TRABD2A: variants seen among roughly 807,000 people sequenced by gnomAD.
The protein encoded by TRABD2A is metalloprotease TIKI1.
Under a neutral mutation model 45.6 loss-of-function variants are expected in TRABD2A, and 43 were observed. The ratio of observed to expected loss-of-function variants is 0.94; its 90% CI spans 0.74 to 1.22. TRABD2A has a LOEUF of 1.22. Ranked by LOEUF, TRABD2A falls within the 50% of genes most tolerant of loss-of-function variation. TRABD2A has a pLI of 0.00. For missense variants in TRABD2A, 642 were observed against 652.4 expected, an observed-to-expected ratio of 0.98 and a Z score of 0.17; for synonymous variants, 269 against 265.0, an observed-to-expected ratio of 1.02 and a Z score of -0.15.
At chr2:84,842,078 T>A in intron 2 of TRABD2A, 71 bp from the exon 3 acceptor site, 1 of 1,405,224 alleles carries the variant, frequency 7.1e-7, no homozygotes, top group South Asian at 1.6e-5. Context: ...CTTTTGTCCA[T>A]GGCTGGAAAT....
At chr2:84,843,987 T>C (rs1010612595) in intron 2 of TRABD2A, 7 of 152,310 alleles carry the variant, frequency 4.6e-5, no homozygotes, top group Admixed American at 4.6e-4. Flanking sequence ...CTTCTCTCAA[T>C]ACCTCCTCCT....
chr2:84,838,022 G>C (rs751596055), intron 4 of TRABD2A: 1 of 531,012 alleles, frequency 1.9e-6, no homozygotes, highest in East Asian at 3.0e-5. Context: ...CTAAGAATAG[G>C]GCTATTCACA....
intron 2 of TRABD2A, among the ~76,000 whole-genome samples, chr2:84,862,028 C>T (rs1043057961): frequency 6.6e-5 from 10 of 152,190 alleles, no homozygotes; most frequent in African/African-American, 1.7e-4. Flanking sequence ...AGAGAAGAAG[C>T]GCCCTAATGC....
In TRABD2A at chr2:84,832,323, C is replaced by G. The variant is rs1038460062; in HGVS notation, c.992-178G>C. On this transcript the variant is annotated intron_variant, in intron 4 of 6. Coordinates refer to ENST00000409520, the MANE Select transcript of TRABD2A (RefSeq NM_001277053.2). ...CCTGCCAACAGTCCTGCAAGGCAGG[C>G]AGGGCAGCATCAGTAGCATTTCAGA... 5 of 612,072 alleles carry G rather than the reference C, an allele frequency of 8.2e-6. No homozygotes were observed. In the East Asian group the frequency reaches 1.1e-4, roughly 14 times the overall value. 37.9% of individuals were successfully genotyped at this position (612,072 alleles called of 1,614,324 possible). A position where few individuals can be genotyped will look rare whatever the true frequency, so the allele number is the denominator to read the frequency against.
chr2:84,861,761 T>C (rs1162952242), intron 2 of TRABD2A, among the ~76,000 whole-genome samples: 1 of 152,196 alleles, frequency 6.6e-6, no homozygotes, highest in Non-Finnish European at 1.5e-5. Flanking sequence ...CCTGCCTGTA[T>C]TCTGCTCAGC....
At chr2:84,827,095 C>G (rs1192283) in intron 5 of TRABD2A, among the ~76,000 whole-genome samples, 27,406 of 152,124 alleles carry the variant, frequency 0.18, 2,541 homozygotes, top group African/African-American at 0.24. Context: ...TGGGCTGGAT[C>G]CCATCACAGG....
At chr2:84,853,766 C>T (rs371114796) in intron 2 of TRABD2A, among the ~76,000 whole-genome samples, 27 of 152,330 alleles carry the variant, frequency 1.8e-4, no homozygotes, top group African/African-American at 2.4e-4. Flanking sequence ...CAGTGGCTTA[C>T]GCCTATAATC....
intron 2 of TRABD2A, among the ~76,000 whole-genome samples, chr2:84,848,586 G>C (rs947001139): frequency 7.0e-6 from 1 of 143,744 alleles, no homozygotes; most frequent in Admixed American, 7.0e-5. Context: ...GAGACAGAGA[G>C]AGAGAAAGAG....
chr2:84,832,949 GA>G (rs1404151737), intron 4 of TRABD2A: 1 of 152,174 alleles, frequency 6.6e-6, no homozygotes, highest in Non-Finnish European at 1.5e-5. Context: ...CCTAATCTAA[GA>G]TCTGTCATTC....
chr2:84,841,250 G>A (rs1366748190), intron 3 of TRABD2A, among the ~76,000 whole-genome samples: 1 of 152,200 alleles, frequency 6.6e-6, no homozygotes, highest in Non-Finnish European at 1.5e-5. Context: ...CTCCTGGAAG[G>A]AGACCATGAT....
intron 5 of TRABD2A, among the ~76,000 whole-genome samples, chr2:84,827,983 A>G (rs1417125658): frequency 6.6e-6 from 1 of 152,228 alleles, no homozygotes; most frequent in African/African-American, 2.4e-5. Context: ...GAACTATACA[A>G]TAATGAATCT....
chr2:84,870,539 T>A lies in TRABD2A; in HGVS notation c.355A>T (p.Ile119Phe). The change falls in exon 2 of 7, where the codon ATC becomes TTC. Residue 119 changes from isoleucine (I) to phenylalanine (F), a missense_variant. Transcript: ENST00000409520. Reference sequence around the variant, plus strand: ...AGGTGGCGCTTGAGGCGGCAGTAGATGTCCCTGGGGAGCACATCTTGGAGG... The same window carrying A: ...AGGTGGCGCTTGAGGCGGCAGTAGAAGTCCCTGGGGAGCACATCTTGGAGG... ...ENLQDVLPRD[I>F]YCRLKRHLEY... The A allele has an allele frequency of 6.2e-7, 1 of 1,614,016 alleles. No homozygotes were observed. The highest frequency in any genetic ancestry group is 1.7e-5 in the Admixed American group (1 of 60,022).
rs373573108 is a variant in TRABD2A, at chr2:84,870,347, G to A, written c.547C>T (p.Arg183Cys). Residue 183 changes from arginine to cysteine, a missense_variant, in exon 2 of 7, where the codon CGT becomes TGT. Transcript: ENST00000409520. ...AACAGGTCTAAGACAGGCACTCCAC[G>A]GGACTTAATGTCCACTTCAGTCAGG... ...NSLTEVDIKS[R>C]GVPVLDLFLA... 19 of 1,613,878 alleles carry A rather than the reference G, an allele frequency of 1.2e-5. No individual in the cohort carries two copies. In the East Asian group the frequency reaches 2.7e-4, roughly 23 times the overall value.
chr2:84,840,540 G>A (rs1302368361), intron 3 of TRABD2A, among the ~76,000 whole-genome samples: 1 of 152,194 alleles, frequency 6.6e-6, no homozygotes, highest in East Asian at 1.9e-4. Flanking sequence ...CCTGTGGGCA[G>A]AACAGATATG....
At chr2:84,846,019 A>G (rs1681884246) in intron 2 of TRABD2A, among the ~76,000 whole-genome samples, 1 of 152,194 alleles carries the variant, frequency 6.6e-6, no homozygotes, top group African/African-American at 2.4e-5. Flanking sequence ...CTCTGATTTC[A>G]GGCTTGCCAG....
In TRABD2A at chr2:84,823,997, C is replaced by CA. The variant is rs1559082448; in HGVS notation, c.1289_1290insT (p.Arg431AlafsTer16). 1 of 1,613,922 alleles carries CA rather than the reference C, an allele frequency of 6.2e-7. No individual in the cohort carries two copies. On this transcript the variant is annotated frameshift_variant, in exon 6 of 7. Transcript: ENST00000409520. LOFTEE classifies it low-confidence loss of function (END_TRUNC). ...ACAGATCGCTGAATTGCCGGAGTCGCGGCCTCCGCTGTGACCGCCTCCGCT... is the reference window on the plus strand; with the variant it reads ...ACAGATCGCTGAATTGCCGGAGTCGCAGGCCTCCGCTGTGACCGCCTCCGCT...
rs142027472 is a variant in TRABD2A at position 84,828,426 on chromosome 2, G to A, written c.1082+3629C>T. On this transcript the variant is annotated intron_variant, in intron 5 of 6. Coordinates refer to ENST00000409520, the MANE Select transcript of TRABD2A (RefSeq NM_001277053.2). Reference sequence around the variant, plus strand: ...CCTTAAGGACTACCAGATGGCTGCCGAGGAGGGGAAGAAGGAAACAGGTAT... The same window carrying A: ...CCTTAAGGACTACCAGATGGCTGCCAAGGAGGGGAAGAAGGAAACAGGTAT... 2.6e-5 allele frequency among the ~76,000 whole-genome samples: 4 copies of A among 152,260 alleles called. No homozygotes were observed. The East Asian group carries it at 5.8e-4, about 22-fold the overall frequency.
At chr2:84,850,889 C>G (rs1219886956) in intron 2 of TRABD2A, 1 of 152,308 alleles carries the variant, frequency 6.6e-6, no homozygotes, top group African/African-American at 2.4e-5. Context: ...GCTGGCCTGA[C>G]CAGCCACAGG....
At chr2:84,840,232 T>C (rs548264820) in intron 3 of TRABD2A, among the ~76,000 whole-genome samples, 1 of 152,284 alleles carries the variant, frequency 6.6e-6, no homozygotes, top group African/African-American at 2.4e-5. Context: ...GGCCTCGAAA[T>C]GATATTCTTT....
Sources: gnomAD v4.1 joint callset for allele counts (sites outside exome capture counted in the v4.1 genomes callset) on GRCh38, gnomAD v4.1.1 for gene constraint, MANE v1.5 for transcripts, NCBI Gene and HGNC (gene_info 2026-07-23, HGNC 2026-07-21) for gene names.